Variants in ZFAND4 observed in about 807,000 individuals in gnomAD.
ZFAND4 encodes zinc finger AN1-type containing 4, also known as AN1-type zinc finger protein 4.
In ZFAND4, 43 loss-of-function variants were observed where a neutral mutation model predicts 64.4. The observed-to-expected ratio is 0.67, with a 90% CI of 0.52 to 0.86. The LOEUF (loss-of-function observed/expected upper bound fraction) is 0.86, where lower values mean the gene tolerates loss of function less well. Ranked by LOEUF, ZFAND4 falls within the 40% of genes least tolerant of loss-of-function variation. The pLI, the probability that ZFAND4 is intolerant of heterozygous loss-of-function variation, is 0.00. For missense variants in ZFAND4, 929 were observed against 859.8 expected (o/e 1.08, Z -1.01); for synonymous variants, 296 against 305.7 (o/e 0.97, Z 0.33).
intron 9 of ZFAND4, chr10:45,617,625 C>G (rs2045096400): frequency 1.4e-5 from 2 of 142,176 alleles, no homozygotes; most frequent in African/African-American, 5.3e-5. Context: ...TCCGCAGCAG[C>G]AGTTATTTTA....
chr10:45,666,546 C>T lies in ZFAND4; in HGVS notation c.-117-2704G>A, dbSNP rs111564624. Reference sequence around the variant, plus strand: ...CACAAAGGTTTTTAATTTTGTTAAACTCTAATTTGGCTATTTTTCTTTTAT... The same window carrying T: ...CACAAAGGTTTTTAATTTTGTTAAATTCTAATTTGGCTATTTTTCTTTTAT... On this transcript the variant is annotated intron_variant, in intron 1 of 9. Transcript: ENST00000344646. Among the ~76,000 whole-genome samples, 1,023 of 152,166 alleles carry T rather than the reference C, an allele frequency of 6.7e-3. 16 individuals carry two copies. The highest frequency in any genetic ancestry group is 0.022 in the African/African-American group (933 of 41,516).
chr10:45,633,293 T>C (rs1589292963), intron 6 of ZFAND4, among the ~76,000 whole-genome samples: 2 of 151,634 alleles, frequency 1.3e-5, no homozygotes, highest in East Asian at 3.9e-4. Context: ...GAGAATAAAC[T>C]GTCTTCTGAG....
chr10:45,618,704 C>G (rs778592259), intron 8 of ZFAND4, among the ~76,000 whole-genome samples: 2 of 152,190 alleles, frequency 1.3e-5, no homozygotes, highest in Non-Finnish European at 2.9e-5. Flanking sequence ...AGTCCTATTA[C>G]ACCACTGACA....
chr10:45,649,810 G>A (rs893999147), intron 4 of ZFAND4: 10 of 152,066 alleles, frequency 6.6e-5, no homozygotes, highest in African/African-American at 2.4e-4. Context: ...CTTTAGGGGG[G>A]AAAAAACCCA....
intron 5 of ZFAND4, among the ~76,000 whole-genome samples, chr10:45,646,414 T>C: frequency 6.6e-6 from 1 of 152,230 alleles, no homozygotes; most frequent in East Asian, 1.9e-4. Flanking sequence ...CAGATTGTTT[T>C]CTACTCCTCT....
rs913008254 is a variant in ZFAND4 at position 45,652,973 on chromosome 10, A to G, written c.260+11T>C. On this transcript the variant is annotated intron_variant, in intron 3 of 9. Transcript: ENST00000344646. ...GTGCCTACAAAACAGCCAATATGCA[A>G]TTACACTCACTTGTAATCATTCAAG... 1.2e-6 allele frequency: 2 copies of G among 1,604,288 alleles called. No homozygotes were observed. Among genetic ancestry groups the G allele is most frequent in the Middle Eastern group, 1.7e-4 (1 of 6,052 alleles).
rs538143887 is a variant in ZFAND4, at chr10:45,639,111, T to A, written c.717+705A>T. Among the ~76,000 whole-genome samples, 61 of 152,184 alleles carry A rather than the reference T, an allele frequency of 4.0e-4. No individual in the cohort carries two copies. In the South Asian group the frequency reaches 5.8e-3, roughly 14 times the overall value. On this transcript the variant is annotated intron_variant, in intron 6 of 9. Coordinates refer to ENST00000344646, the MANE Select transcript of ZFAND4 (RefSeq NM_174890.4). ...ACATGAAAAGGAAGGGAGCCATTAA[T>A]AGAGTAAAAAGGAAAGCAATAAAGT... is the stretch of plus-strand genomic sequence containing the variant.
At chr10:45,621,421 T>TA (rs537785392) in intron 8 of ZFAND4, among the ~76,000 whole-genome samples, 3,860 of 129,058 alleles carry the variant, frequency 0.03, 160 homozygotes, top group African/African-American at 0.097. Flanking sequence ...GAGGGCTGGT[T>TA]AAAAAAAAAA....
At chr10:45,640,782 G>A (rs1009761639) in intron 5 of ZFAND4, among the ~76,000 whole-genome samples, 1 of 152,058 alleles carries the variant, frequency 6.6e-6, no homozygotes, top group Admixed American at 6.5e-5. Context: ...GAGCCACCGC[G>A]CCCAGCCAAT....
intron 2 of ZFAND4, among the ~76,000 whole-genome samples, chr10:45,662,952 T>G (rs909886000): frequency 6.6e-6 from 1 of 152,138 alleles, no homozygotes; most frequent in African/African-American, 2.4e-5. Flanking sequence ...ATCTGCAAAA[T>G]GCAAAGACTA....
chr10:45,660,149 G>A (rs568488334), intron 2 of ZFAND4, among the ~76,000 whole-genome samples: 6 of 137,884 alleles, frequency 4.4e-5, no homozygotes, highest in Admixed American at 3.1e-4. Context: ...GCGACAGAGC[G>A]AGACGCATCT....
At chr10:45,650,512 A>C (rs75677704) in intron 4 of ZFAND4, 6 of 138,768 alleles carry the variant, frequency 4.3e-5, no homozygotes, top group Non-Finnish European at 6.1e-5. Flanking sequence ...ACTCCGTCTC[A>C]AAAAAAAAAA....
chr10:45,619,480 G>C (rs1222471081), intron 8 of ZFAND4, among the ~76,000 whole-genome samples: 1 of 152,116 alleles, frequency 6.6e-6, no homozygotes. Context: ...ACATGTGCTT[G>C]GTGTCACACA....
intron 8 of ZFAND4, among the ~76,000 whole-genome samples, chr10:45,622,775 T>G (rs1032979993): frequency 1.3e-5 from 2 of 152,244 alleles, no homozygotes; most frequent in African/African-American, 4.8e-5. Flanking sequence ...GGCTTTCTGA[T>G]TTTTGGTAGT....
Position 45,627,120 on chromosome 10 carries a change from T to C in ZFAND4, c.718-15A>G. 1 of 1,518,646 alleles carries C rather than the reference T, an allele frequency of 6.6e-7. No homozygotes were observed. The allele number at this position is 1,518,646 out of a possible 1,614,324, so 94.1% of individuals were successfully genotyped here. A position where few individuals can be genotyped will look rare whatever the true frequency, so the allele number is the denominator to read the frequency against. ...GCTTTCTTAGGCTAAAAGGAATGAA[T>C]ATACAGTTTCTTTACACAGTCGTTT... On this transcript the variant is annotated splice_polypyrimidine_tract_variant and intron_variant, in intron 6 of 9. Coordinates refer to ENST00000344646, the MANE Select transcript of ZFAND4 (RefSeq NM_174890.4).
chr10:45,633,901 T>C (rs567348107), intron 6 of ZFAND4, among the ~76,000 whole-genome samples: 2 of 152,092 alleles, frequency 1.3e-5, no homozygotes, highest in South Asian at 2.1e-4. Context: ...AAGGAGACTA[T>C]GAAAACATTA....
intron 4 of ZFAND4, chr10:45,651,263 C>A: frequency 5.2e-6 from 1 of 192,070 alleles, no homozygotes; most frequent in South Asian, 1.0e-4. Flanking sequence ...TAATAAAACC[C>A]TCTCATCAAT....
chr10:45,629,190 G>C (rs564887506), intron 6 of ZFAND4, among the ~76,000 whole-genome samples: 2 of 152,168 alleles, frequency 1.3e-5, no homozygotes, highest in South Asian at 4.2e-4. Flanking sequence ...GATCCTCCGA[G>C]CAGCTGGGAC....
intron 5 of ZFAND4, 115 bp downstream of exon 5, chr10:45,648,178 GA>G (rs1400231703): frequency 5.8e-6 from 6 of 1,034,272 alleles, no homozygotes; most frequent in African/African-American, 1.7e-5. Flanking sequence ...TCAATTATAC[GA>G]AGGACAATTT....
Sources: gnomAD v4.1 joint callset for allele counts (sites outside exome capture counted in the v4.1 genomes callset) on GRCh38, gnomAD v4.1.1 for gene constraint, MANE v1.5 for transcripts, NCBI Gene and HGNC (gene_info 2026-07-23, HGNC 2026-07-21) for gene names.